NXPE2: variants seen among roughly 807,000 people sequenced by gnomAD.
NXPE2 encodes the protein NXPE family member 2.
NXPE2 carries 34 observed loss-of-function variants against 34.4 expected under a neutral mutation model. The observed-to-expected ratio is 0.99, with a 90% confidence interval of 0.75 to 1.31. The LOEUF (loss-of-function observed/expected upper bound fraction) is 1.31, where lower values mean the gene tolerates loss of function less well. Ranked by LOEUF, NXPE2 falls within the 40% of genes most tolerant of loss-of-function variation. The pLI, the probability that NXPE2 is intolerant of heterozygous loss-of-function variation, is 0.00. For synonymous variants in NXPE2, 235 were observed against 231.3 expected, an observed-to-expected ratio of 1.02 and a Z score of -0.15; for missense variants, 649 against 672.5, an observed-to-expected ratio of 0.97 and a Z score of 0.39.
the NXPE2 span, among the ~76,000 whole-genome samples, chr11:114,806,225 T>C: frequency 6.6e-6 from 1 of 151,928 alleles, no homozygotes; most frequent in Non-Finnish European, 1.5e-5. Context: ...CAAAGGTAGA[T>C]AAAACCACAA....
the NXPE2 span, among the ~76,000 whole-genome samples, chr11:114,788,676 C>T: frequency 1.3e-5 from 2 of 152,196 alleles, no homozygotes; most frequent in African/African-American, 2.4e-5. Flanking sequence ...GCCTGGAATG[C>T]CTGGCTTTGG....
the NXPE2 span, among the ~76,000 whole-genome samples, chr11:114,725,110 A>C: frequency 6.6e-6 from 1 of 151,966 alleles, no homozygotes; most frequent in Non-Finnish European, 1.5e-5. Context: ...TCCTTATTGC[A>C]TGTCATTAAA....
At chr11:114,636,378 G>A in the NXPE2 span, among the ~76,000 whole-genome samples, 4 of 151,174 alleles carry the variant, frequency 2.6e-5, no homozygotes, top group African/African-American at 7.3e-5. Context: ...GTCTGCTAGC[G>A]GTCTATCAAT....
chr11:114,788,679 G>C, the NXPE2 span, among the ~76,000 whole-genome samples: 1 of 152,192 alleles, frequency 6.6e-6, no homozygotes, highest in Non-Finnish European at 1.5e-5. Context: ...TGGAATGCCT[G>C]GCTTTGGGAA....
the NXPE2 span, among the ~76,000 whole-genome samples, chr11:114,800,612 T>C: frequency 6.6e-6 from 1 of 152,238 alleles, no homozygotes; most frequent in African/African-American, 2.4e-5. Flanking sequence ...TCTTTCATAT[T>C]CTAGCATTAT....
chr11:114,574,235 A>G, the NXPE2 span, among the ~76,000 whole-genome samples: 1 of 152,032 alleles, frequency 6.6e-6, no homozygotes, highest in Non-Finnish European at 1.5e-5. Context: ...AAGTTCATAG[A>G]CTTAAATGCC....
At chr11:114,530,520 G>A in the NXPE2 span, 277 of 1,613,950 alleles carry the variant, frequency 1.7e-4, 1 homozygote, top group African/African-American at 3.1e-3. Flanking sequence ...GACCAGGTAG[G>A]TGCCATTGTT....
the NXPE2 span, among the ~76,000 whole-genome samples, chr11:114,656,535 G>T: frequency 6.6e-6 from 1 of 152,082 alleles, no homozygotes; most frequent in East Asian, 1.9e-4. Context: ...TCTAAAATGG[G>T]TATCAAATAT....
At chr11:114,554,048 T>C in the NXPE2 span, 2 of 985,514 alleles carry the variant, frequency 2.0e-6, no homozygotes, top group Non-Finnish European at 2.4e-6. Context: ...CTTCTCCCCA[T>C]CTTTGTGAAT....
chr11:114,689,943 C>T lies in NXPE2; in HGVS notation c.133-8102C>T, dbSNP rs374175429. On this transcript the variant is annotated intron_variant, in intron 2 of 5. Coordinates refer to ENST00000389586, the MANE Select transcript of NXPE2 (RefSeq NM_182495.6). ...CTCTTTTTCCGTTTGTGTCATAGAT[C>T]TTTCTCCACCCCTTTACTATGATCC... Among the ~76,000 whole-genome samples the T allele has an allele frequency of 6.6e-5, 10 of 152,132 alleles. No individual in the cohort carries two copies. The East Asian group carries it at 1.2e-3, about 18-fold the overall frequency.
At chr11:114,779,902 C>T in the NXPE2 span, among the ~76,000 whole-genome samples, 1 of 152,170 alleles carries the variant, frequency 6.6e-6, no homozygotes, top group Admixed American at 6.5e-5. Flanking sequence ...GGAGTCTTCT[C>T]CCCTCCCTGC....
the NXPE2 span, among the ~76,000 whole-genome samples, chr11:114,797,376 C>A: frequency 6.6e-6 from 1 of 152,248 alleles, no homozygotes; most frequent in African/African-American, 2.4e-5. Context: ...GCTGACACCC[C>A]ACCTTCTTCT....
chr11:114,791,914 C>T, the NXPE2 span, among the ~76,000 whole-genome samples: 5 of 152,054 alleles, frequency 3.3e-5, no homozygotes, highest in Admixed American at 6.6e-5. Context: ...AAAAATTAGC[C>T]GGGCATGGTG....
rs1237915036 is a variant in NXPE2, at chr11:114,706,827, T to C, written c.1577T>C (p.Ile526Thr). ...DIFVDLNVGI[I>T]DAWDMTIAYC... ...TTTGTGGATCTTAATGTGGGTATTATTGATGCCTGGGACATGACGATTGCA... is the reference window on the plus strand; with the variant it reads ...TTTGTGGATCTTAATGTGGGTATTACTGATGCCTGGGACATGACGATTGCA... Residue 526 changes from isoleucine (I) to threonine (T), a missense_variant, in exon 6 of 6, where the codon ATT becomes ACT. Transcript: ENST00000389586. 1 of 1,552,200 alleles carries C rather than the reference T, an allele frequency of 6.4e-7. No homozygotes were observed. The highest frequency in any genetic ancestry group is 8.7e-7 in the Non-Finnish European group (1 of 1,146,966).
the NXPE2 span, among the ~76,000 whole-genome samples, chr11:114,633,627 A>G: frequency 8.1e-6 from 1 of 124,066 alleles, no homozygotes; most frequent in African/African-American, 3.1e-5. Flanking sequence ...CCCCCAGCCC[A>G]CAACTGTCCC....
chr11:114,644,583 A>G, the NXPE2 span, among the ~76,000 whole-genome samples: 1 of 152,176 alleles, frequency 6.6e-6, no homozygotes, highest in Admixed American at 6.5e-5. Flanking sequence ...AATAAGATAT[A>G]AAATATTTTT....
chr11:114,791,941 A>C, the NXPE2 span, among the ~76,000 whole-genome samples: 2 of 152,066 alleles, frequency 1.3e-5, no homozygotes, highest in Admixed American at 6.5e-5. Context: ...GCCTGTAGTC[A>C]CAGCTACTCG....
the NXPE2 span, among the ~76,000 whole-genome samples, chr11:114,632,567 A>G: frequency 8.7e-6 from 1 of 115,072 alleles, no homozygotes; most frequent in Non-Finnish European, 1.6e-5. Flanking sequence ...TTATATATTT[A>G]CATATATCAT....
At chr11:114,775,546 C>A in the NXPE2 span, among the ~76,000 whole-genome samples, 1 of 152,186 alleles carries the variant, frequency 6.6e-6, no homozygotes, top group Non-Finnish European at 1.5e-5. Flanking sequence ...GGAGCACATT[C>A]CACTGAGTTC....
Sources: gnomAD v4.1 joint callset for allele counts (sites outside exome capture counted in the v4.1 genomes callset) on GRCh38, gnomAD v4.1.1 for gene constraint, MANE v1.5 for transcripts, NCBI Gene and HGNC (gene_info 2026-07-23, HGNC 2026-07-21) for gene names.